TTC29: variants seen among roughly 807,000 people sequenced by gnomAD.
TTC29 encodes tetratricopeptide repeat domain 29, also known as tetratricopeptide repeat protein 29.
TTC29 carries 49 observed loss-of-function variants against 58.1 expected under a neutral mutation model. That is an observed-to-expected ratio of 0.84 (90% CI 0.67 to 1.07). The LOEUF (loss-of-function observed/expected upper bound fraction) is 1.07. Among genes scored for constraint, TTC29 ranks in the 50% least tolerant of loss-of-function variants. The pLI, the probability that TTC29 is intolerant of heterozygous loss-of-function variation, is 0.00. For missense variants in TTC29, 582 were observed against 555.6 expected (o/e 1.05, Z -0.48); for synonymous variants, 209 against 196.8 (o/e 1.06, Z -0.52).
intron 11 of TTC29, among the ~76,000 whole-genome samples, chr4:146,765,720 T>C (rs1747260513): frequency 6.6e-6 from 1 of 152,108 alleles, no homozygotes; most frequent in Admixed American, 6.6e-5. Flanking sequence ...AGTGAATGGA[T>C]TAGACAAGCA....
intron 11 of TTC29, among the ~76,000 whole-genome samples, chr4:146,760,200 A>G (rs1408450130): frequency 3.9e-5 from 6 of 151,974 alleles, no homozygotes; most frequent in African/African-American, 7.2e-5. Context: ...GCTGCAAAAA[A>G]TTTAAAATAC....
At chr4:146,711,930 G>A (rs1463779078) in intron 11 of TTC29, among the ~76,000 whole-genome samples, 1 of 152,048 alleles carries the variant, frequency 6.6e-6, no homozygotes, top group Non-Finnish European at 1.5e-5. Context: ...TGAAGAGAAC[G>A]AAGTTCTGTT....
At chr4:146,777,066 A>G (rs1453634967) in intron 11 of TTC29, among the ~76,000 whole-genome samples, 1 of 152,168 alleles carries the variant, frequency 6.6e-6, no homozygotes, top group Admixed American at 6.5e-5. Context: ...CACACCAGCA[A>G]TGGAAGTTCG....
intron 11 of TTC29, among the ~76,000 whole-genome samples, chr4:146,749,678 G>C (rs1745830250): frequency 6.6e-6 from 1 of 152,156 alleles, no homozygotes; most frequent in Non-Finnish European, 1.5e-5. Flanking sequence ...AGGACATCCA[G>C]ATTGATGAAA....
chr4:146,794,105 TA>T (rs1198057449), intron 11 of TTC29, among the ~76,000 whole-genome samples: 2 of 152,080 alleles, frequency 1.3e-5, no homozygotes, highest in African/African-American at 2.4e-5. Flanking sequence ...ATCAAATTAC[TA>T]AAAAAATACT....
intron 8 of TTC29, among the ~76,000 whole-genome samples, chr4:146,866,045 T>A (rs1211525672): frequency 1.3e-5 from 2 of 152,226 alleles, no homozygotes; most frequent in African/African-American, 2.4e-5. Flanking sequence ...ATGCACTTTA[T>A]GATATTTGAA....
intron 10 of TTC29, among the ~76,000 whole-genome samples, chr4:146,814,724 C>CAAAAAAAA (rs1023402149): frequency 2.8e-5 from 1 of 35,128 alleles, no homozygotes; most frequent in African/African-American, 8.4e-5. Context: ...GACTCCATCT[C>CAAAAAAAA]AAAAAAAAAA....
chr4:146,883,065 C>T (rs1731741211), intron 6 of TTC29, among the ~76,000 whole-genome samples: 1 of 151,996 alleles, frequency 6.6e-6, no homozygotes, highest in Non-Finnish European at 1.5e-5. Context: ...ATTCTCTTGC[C>T]TAAATTCACA....
intron 11 of TTC29, among the ~76,000 whole-genome samples, chr4:146,714,639 A>C (rs893680490): frequency 6.6e-6 from 1 of 152,072 alleles, no homozygotes; most frequent in Non-Finnish European, 1.5e-5. Context: ...TGACATACCC[A>C]CTGAAAATAT....
At chr4:146,778,525 A>ATGTT (rs1333060699) in intron 11 of TTC29, among the ~76,000 whole-genome samples, 2 of 152,162 alleles carry the variant, frequency 1.3e-5, no homozygotes, top group African/African-American at 4.8e-5. Context: ...ATTTTTTAAA[A>ATGTT]TGTTTCATAT....
At chr4:146,766,315 G>A (rs552197040) in intron 11 of TTC29, among the ~76,000 whole-genome samples, 1 of 152,158 alleles carries the variant, frequency 6.6e-6, no homozygotes, top group East Asian at 1.9e-4. Context: ...TGGTCTTTGT[G>A]TTGGCAAGTA....
At chr4:146,942,867 A>G in intron 2 of TTC29, 1 of 379,506 alleles carries the variant, frequency 2.6e-6, no homozygotes, top group Non-Finnish European at 4.7e-6. Flanking sequence ...GAGTTCACCC[A>G]GGAGCTTCAA....
intron 8 of TTC29, among the ~76,000 whole-genome samples, chr4:146,860,796 A>G (rs1730180616): frequency 6.6e-6 from 1 of 152,148 alleles, no homozygotes; most frequent in Admixed American, 6.6e-5. Flanking sequence ...TGTATTACTT[A>G]TTTGCATTTT....
At chr4:146,925,210 C>A (rs1734846285) in intron 4 of TTC29, among the ~76,000 whole-genome samples, 1 of 151,980 alleles carries the variant, frequency 6.6e-6, no homozygotes, top group South Asian at 2.1e-4. Context: ...CTGTAAGTGT[C>A]AATTACTTAA....
chr4:146,867,530 AG>A lies in TTC29; in HGVS notation c.852del (p.Leu285Ter), dbSNP rs1295755536. The A allele has an allele frequency of 1.9e-6, 3 of 1,554,024 alleles. No individual in the cohort carries two copies. The highest frequency in any genetic ancestry group is 2.6e-6 in the Non-Finnish European group (3 of 1,148,526). ...AEASYYLGLA[H>X]LAAEEYETAL... The stretch of plus-strand genomic sequence containing the variant: ...GCTGTTTCATATTCCTCAGCAGCTA[AG>A]TGTGCTAAGCCCAAGTAGTAAGAGG... On this transcript the variant is annotated frameshift_variant, in exon 8 of 13. Transcript: ENST00000325106. LOFTEE classifies it high-confidence loss of function.
At chr4:146,912,082 A>C (rs973616247) in intron 4 of TTC29, among the ~76,000 whole-genome samples, 3 of 152,180 alleles carry the variant, frequency 2.0e-5, no homozygotes, top group Admixed American at 2.0e-4. Flanking sequence ...AAAATTCACT[A>C]ACACTAACAA....
At chr4:146,718,555 G>C (rs977269790) in intron 11 of TTC29, among the ~76,000 whole-genome samples, 1 of 152,132 alleles carries the variant, frequency 6.6e-6, no homozygotes, top group Non-Finnish European at 1.5e-5. Context: ...TTTAAAATTA[G>C]ACCATTTGCT....
chr4:146,778,580 C>T (rs1748294125), intron 11 of TTC29, among the ~76,000 whole-genome samples: 1 of 152,062 alleles, frequency 6.6e-6, no homozygotes, highest in South Asian at 2.1e-4. Context: ...GAAATAGTTT[C>T]AGCTGTATTA....
intron 11 of TTC29, among the ~76,000 whole-genome samples, chr4:146,781,668 T>A (rs1220484452): frequency 6.6e-6 from 1 of 151,984 alleles, no homozygotes; most frequent in Non-Finnish European, 1.5e-5. Context: ...CAAGTAAGGC[T>A]CACTAACATA....
Sources: allele counts gnomAD v4.1 joint callset (sites outside exome capture counted in the v4.1 genomes callset), GRCh38; gene constraint gnomAD v4.1.1; transcripts MANE v1.5; gene names NCBI Gene and HGNC (gene_info 2026-07-23, HGNC 2026-07-21).